RNF180: variants seen among roughly 807,000 people sequenced by gnomAD.
RNF180 encodes ring finger protein 180.
A neutral mutation model predicts 59.2 loss-of-function variants in RNF180; 38 were observed. That is an observed-to-expected ratio of 0.64 (90% confidence interval 0.50 to 0.84). The LOEUF (loss-of-function observed/expected upper bound fraction) is 0.84, where lower values mean the gene tolerates loss of function less well. RNF180 is among the 40% of genes least tolerant of loss of function. RNF180 has a pLI of 0.00. For synonymous variants in RNF180, 262 were observed against 240.3 expected, an observed-to-expected ratio of 1.09 and a Z score of -0.84; for missense variants, 705 against 700.9, an observed-to-expected ratio of 1.01 and a Z score of -0.07.
intron 5 of RNF180, among the ~76,000 whole-genome samples, chr5:64,276,034 T>C (rs1741693552): frequency 6.6e-6 from 1 of 151,948 alleles, no homozygotes; most frequent in Non-Finnish European, 1.5e-5. Flanking sequence ...GCAGAGTACC[T>C]TCCCAGAGAT....
chr5:64,271,648 TG>T (rs1389087985), intron 5 of RNF180, among the ~76,000 whole-genome samples: 8 of 152,132 alleles, frequency 5.3e-5, no homozygotes, highest in Admixed American at 1.3e-4. Flanking sequence ...CACCCCACAG[TG>T]GATACAATGG....
At chr5:64,302,009 T>C (rs1012696881) in intron 5 of RNF180, among the ~76,000 whole-genome samples, 3 of 151,602 alleles carry the variant, frequency 2.0e-5, no homozygotes, top group African/African-American at 7.3e-5. Flanking sequence ...ATTTCTCTTT[T>C]TTACACATGT....
chr5:64,342,570 G>A (rs1745397375), intron 7 of RNF180, among the ~76,000 whole-genome samples: 1 of 152,106 alleles, frequency 6.6e-6, no homozygotes, highest in South Asian at 2.1e-4. Flanking sequence ...TAGGAATCAA[G>A]TTATCCTACA....
chr5:64,213,705 G>A lies in RNF180; in HGVS notation c.379G>A (p.Ala127Thr). The change falls in exon 4 of 8, where the codon GCA becomes ACA. Residue 127 changes from alanine (A) to threonine (T), a missense_variant. Transcript: ENST00000389100. ...CCGGACTGATTATCAGCCAACACAG[G>A]CAGGCAGACTAATGAGACCATCAGT... ...KSRTDYQPTQ[A>T]GRLMRPSVKY... is the part of the protein sequence containing the mutation. The A allele has an allele frequency of 6.2e-7, 1 of 1,614,144 alleles. No individual in the cohort carries two copies. The highest frequency in any genetic ancestry group is 8.5e-7 in the Non-Finnish European group (1 of 1,180,008).
intron 1 of RNF180, among the ~76,000 whole-genome samples, chr5:64,198,097 A>G (rs1751546756): frequency 6.6e-6 from 1 of 152,230 alleles, no homozygotes; most frequent in African/African-American, 2.4e-5. Context: ...AACAAGTTCA[A>G]AGAAACAGGT....
At position 64,289,782 on chromosome 5, in the gene RNF180, C is replaced by G. The variant is rs888918446; in HGVS notation, c.1228-35404C>G. Among the ~76,000 whole-genome samples, 14 of 152,044 alleles carry G rather than the reference C, an allele frequency of 9.2e-5. No homozygotes were observed. In the South Asian group the frequency reaches 1.2e-3, roughly 14 times the overall value. On this transcript the variant is annotated intron_variant, in intron 5 of 7. Coordinates refer to ENST00000389100, the MANE Select transcript of RNF180 (RefSeq NM_001113561.2). ...TGTGTTTCTTTGATTGTTCTCTCTT[C>G]TGTTCTTTATTAGTGTAGCTAGTGG... is the stretch of plus-strand genomic sequence containing the variant.
chr5:64,206,225 T>C (rs1038767915), intron 2 of RNF180, among the ~76,000 whole-genome samples: 1 of 152,186 alleles, frequency 6.6e-6, no homozygotes, highest in African/African-American at 2.4e-5. Context: ...ATGAGACTTT[T>C]AGGGGCAGTT....
intron 5 of RNF180, among the ~76,000 whole-genome samples, chr5:64,289,499 C>G (rs1742462569): frequency 6.6e-6 from 1 of 152,014 alleles, no homozygotes; most frequent in African/African-American, 2.4e-5. Context: ...TGGTAATATT[C>G]AGCTGTAATC....
chr5:64,365,026 G>C (rs1021037630), intron 7 of RNF180, among the ~76,000 whole-genome samples: 4 of 149,626 alleles, frequency 2.7e-5, no homozygotes, highest in African/African-American at 4.9e-5. Context: ...TTTTGGTTTT[G>C]TTGATCTTTT....
chr5:64,217,295 T>C, intron 4 of RNF180, 66 bp from the exon 5 acceptor site: 1 of 1,319,014 alleles, frequency 7.6e-7, no homozygotes, highest in Non-Finnish European at 9.7e-7. Flanking sequence ...TTGCAAATTA[T>C]GAATAGAACT....
intron 7 of RNF180, among the ~76,000 whole-genome samples, chr5:64,365,676 C>T (rs1746420726): frequency 6.6e-6 from 1 of 151,474 alleles, no homozygotes; most frequent in East Asian, 1.9e-4. Flanking sequence ...GTGTTGGGTG[C>T]ATATATATTT....
intron 1 of RNF180, among the ~76,000 whole-genome samples, chr5:64,182,051 G>A (rs1750619157): frequency 6.9e-6 from 1 of 145,006 alleles, no homozygotes; most frequent in African/African-American, 2.6e-5. Context: ...GAGTGCAGTG[G>A]CACATCTTAG....
intron 7 of RNF180, among the ~76,000 whole-genome samples, chr5:64,362,255 T>A (rs959518461): frequency 6.6e-6 from 1 of 151,344 alleles, no homozygotes. Context: ...TGCCTTCTGA[T>A]AGGCCCCGGT....
chr5:64,217,229 A>G, intron 4 of RNF180, 132 bp from the exon 5 acceptor site: 1 of 1,090,474 alleles, frequency 9.2e-7, no homozygotes, highest in Non-Finnish European at 1.2e-6. Flanking sequence ...CCATTGTATG[A>G]ATGATCCACA....
At chr5:64,254,531 GC>G (rs989100707) in intron 5 of RNF180, among the ~76,000 whole-genome samples, 4 of 152,082 alleles carry the variant, frequency 2.6e-5, no homozygotes, top group African/African-American at 7.2e-5. Flanking sequence ...GGAGATTGGG[GC>G]TGGAGAAAAA....
intron 5 of RNF180, among the ~76,000 whole-genome samples, chr5:64,223,397 A>G (rs1343935690): frequency 6.6e-6 from 1 of 152,216 alleles, no homozygotes; most frequent in Non-Finnish European, 1.5e-5. Flanking sequence ...ACAGGATCTT[A>G]GATTAGGACC....
chr5:64,265,444 T>C (rs1744605484), intron 5 of RNF180, among the ~76,000 whole-genome samples: 1 of 152,190 alleles, frequency 6.6e-6, no homozygotes, highest in African/African-American at 2.4e-5. Flanking sequence ...TTTCTGCATG[T>C]GGCTAGCCAG....
At chr5:64,282,722 T>C (rs1176231414) in intron 5 of RNF180, among the ~76,000 whole-genome samples, 2 of 152,218 alleles carry the variant, frequency 1.3e-5, no homozygotes, top group Non-Finnish European at 2.9e-5. Context: ...GAGATTCTGG[T>C]ATGTTATATC....
intron 7 of RNF180, among the ~76,000 whole-genome samples, chr5:64,350,766 A>G (rs188834566): frequency 0.014 from 2,086 of 152,164 alleles, 28 homozygotes; most frequent in African/African-American, 0.035. Flanking sequence ...CCATTGGTCT[A>G]TATCTCTGTT....
Sources: allele counts gnomAD v4.1 joint callset (sites outside exome capture counted in the v4.1 genomes callset), GRCh38; gene constraint gnomAD v4.1.1; transcripts MANE v1.5; gene names NCBI Gene and HGNC (gene_info 2026-07-23, HGNC 2026-07-21).